NME7: variants seen among roughly 807,000 people sequenced by gnomAD.
NME7 encodes the protein nucleoside diphosphate kinase 7.
A neutral mutation model predicts 49.1 loss-of-function variants in NME7; 41 were observed. That is an observed-to-expected ratio of 0.83 (90% CI 0.65 to 1.08). NME7 has a LOEUF of 1.08. NME7 is among the 50% of genes least tolerant of loss of function. The pLI is 0.00. For synonymous variants in NME7, 139 were observed against 150.6 expected, an observed-to-expected ratio of 0.92 and a Z score of 0.56; for missense variants, 423 against 463.4, an observed-to-expected ratio of 0.91 and a Z score of 0.80.
chr1:169,277,049 G>A (rs574113151), intron 7 of NME7, among the ~76,000 whole-genome samples: 5 of 150,548 alleles, frequency 3.3e-5, no homozygotes, highest in African/African-American at 1.2e-4. Context: ...TGTGGTCTGA[G>A]AGACAGTTTG....
At chr1:169,163,654 T>C (rs1264801467) in intron 11 of NME7, among the ~76,000 whole-genome samples, 1 of 152,142 alleles carries the variant, frequency 6.6e-6, no homozygotes. Context: ...ATTTGGATGC[T>C]TGTAATGTGA....
chr1:169,259,943 C>G lies in NME7; in HGVS notation c.755-22256G>C, dbSNP rs1400027310. Among the ~76,000 whole-genome samples the G allele has an allele frequency of 1.5e-5, 2 of 133,046 alleles. 1 individual carries two copies. Among genetic ancestry groups the G allele is most frequent in the Non-Finnish European group, 3.5e-5 (2 of 56,536 alleles). 87.3% of individuals were successfully genotyped at this position (133,046 alleles called of 152,430 possible). On this transcript the variant is annotated intron_variant, in intron 7 of 11. Transcript: ENST00000367811. ...TTAAATTGAAATCCTTAATATTATC[C>G]TAGAAGACTACCCTCCCTTTGATAA... is the stretch of plus-strand genomic sequence containing the variant.
chr1:169,333,224 G>A (rs1469441977), intron 1 of NME7, among the ~76,000 whole-genome samples: 2 of 152,058 alleles, frequency 1.3e-5, no homozygotes, highest in East Asian at 1.9e-4. Context: ...AACATCACAT[G>A]TTCTCACTTA....
At position 169,266,044 on chromosome 1, in the gene NME7, G is replaced by C. The variant is rs764634007; in HGVS notation, c.754+21259C>G. 1.8e-4 allele frequency among the ~76,000 whole-genome samples: 24 copies of C among 132,062 alleles called. 7 individuals are homozygous for C. The highest frequency in any genetic ancestry group is 5.3e-5 in the Non-Finnish European group (3 of 56,238). The allele number at this position is 132,062 out of a possible 152,430, so 86.6% of individuals were successfully genotyped here. Reference sequence around the variant, plus strand: ...TATTCTACCAGATGTACAAAGAAGAGCTAGGATCATTCCTACAGAAGCTAT... The same window carrying C: ...TATTCTACCAGATGTACAAAGAAGACCTAGGATCATTCCTACAGAAGCTAT... On this transcript the variant is annotated intron_variant, in intron 7 of 11. Coordinates refer to ENST00000367811, the MANE Select transcript of NME7 (RefSeq NM_013330.5).
chr1:169,154,972 A>T (rs933946641), intron 11 of NME7, among the ~76,000 whole-genome samples: 8 of 151,930 alleles, frequency 5.3e-5, no homozygotes, highest in Non-Finnish European at 8.8e-5. Flanking sequence ...TGTATAATTT[A>T]AAAAAATTTT....
intron 9 of NME7, 79 bp downstream of exon 9, chr1:169,235,052 C>T: frequency 1.4e-6 from 1 of 701,076 alleles, no homozygotes; most frequent in East Asian, 3.0e-5. Context: ...GGACCTAGTA[C>T]AGGAGCTTAG....
At position 169,269,994 on chromosome 1, in the gene NME7, C is replaced by T. The variant is rs1649440558; in HGVS notation, c.754+17309G>A. 1.5e-5 allele frequency among the ~76,000 whole-genome samples: 2 copies of T among 133,204 alleles called. 1 individual carries two copies. The highest frequency in any genetic ancestry group is 3.5e-5 in the Non-Finnish European group (2 of 56,826). 87.4% of individuals were successfully genotyped at this position (133,204 alleles called of 152,430 possible). A position where few individuals can be genotyped will look rare whatever the true frequency, so the allele number is the denominator to read the frequency against. On this transcript the variant is annotated intron_variant, in intron 7 of 11. Coordinates refer to ENST00000367811, the MANE Select transcript of NME7 (RefSeq NM_013330.5). ...CTATGCCGGCCTGGCTGATTTCAAA[C>T]CCCTGGCCTCAAGCAATCCTCCTAC...
intron 7 of NME7, among the ~76,000 whole-genome samples, chr1:169,254,184 A>G (rs1242602689): frequency 6.7e-6 from 1 of 150,086 alleles, no homozygotes; most frequent in Non-Finnish European, 1.5e-5. Context: ...CTGTGAATCC[A>G]TCTGGTCCTG....
chr1:169,322,642 T>C (rs1651895950), intron 3 of NME7, among the ~76,000 whole-genome samples: 1 of 151,276 alleles, frequency 6.6e-6, no homozygotes, highest in Admixed American at 6.6e-5. Context: ...TTGTCATTTT[T>C]CAATTGATCC....
chr1:169,246,463 T>C (rs1012357947), intron 7 of NME7, among the ~76,000 whole-genome samples: 2 of 152,162 alleles, frequency 1.3e-5, no homozygotes, highest in African/African-American at 4.8e-5. Flanking sequence ...AAAAGACAGA[T>C]TTAATTCATC....
At chr1:169,160,829 G>A (rs1659220194) in intron 11 of NME7, among the ~76,000 whole-genome samples, 1 of 152,126 alleles carries the variant, frequency 6.6e-6, no homozygotes, top group East Asian at 1.9e-4. Flanking sequence ...CATTCCCACA[G>A]GCTACCTTTC....
chr1:169,297,576 T>C (rs1219497318), intron 6 of NME7, among the ~76,000 whole-genome samples: 2 of 152,002 alleles, frequency 1.3e-5, no homozygotes, highest in African/African-American at 4.8e-5. Flanking sequence ...TGGAACACAA[T>C]GATTAAGATA....
chr1:169,157,010 A>C (rs1659096080), intron 11 of NME7, among the ~76,000 whole-genome samples: 1 of 152,252 alleles, frequency 6.6e-6, no homozygotes, highest in African/African-American at 2.4e-5. Context: ...TTACTTGAAT[A>C]AACAGCAATG....
intron 7 of NME7, among the ~76,000 whole-genome samples, chr1:169,276,998 T>C (rs1421140170): frequency 1.3e-5 from 2 of 150,580 alleles, no homozygotes; most frequent in African/African-American, 2.4e-5. Flanking sequence ...TTGAGTGGTT[T>C]TGAGTGAGTT....
intron 1 of NME7, among the ~76,000 whole-genome samples, chr1:169,337,096 G>A (rs1279267011): frequency 6.6e-6 from 1 of 152,246 alleles, no homozygotes; most frequent in Non-Finnish European, 1.5e-5. Flanking sequence ...CCCTTGGGTG[G>A]TCGATGGGAC....
At chr1:169,273,838 C>T (rs1384781417) in intron 7 of NME7, among the ~76,000 whole-genome samples, 1 of 125,200 alleles carries the variant, frequency 8.0e-6, no homozygotes, top group African/African-American at 2.7e-5. Context: ...ATATGTGCCA[C>T]ATTTTCTTAA....
intron 9 of NME7, among the ~76,000 whole-genome samples, chr1:169,232,641 GTATTCTA>G (rs1280668890): frequency 6.6e-6 from 1 of 151,718 alleles, no homozygotes; most frequent in Non-Finnish European, 1.5e-5. Context: ...ATGTAAATCT[GTATTCTA>G]TACCCAGGTG....
chr1:169,237,718 A>G (rs1305603643), intron 7 of NME7, 31 bp from the exon 8 acceptor site: 1 of 1,567,386 alleles, frequency 6.4e-7, no homozygotes, highest in African/African-American at 1.4e-5. Flanking sequence ...GTGAAAAAAT[A>G]CAAAATTTTA....
chr1:169,169,072 G>GA (rs752274947), intron 11 of NME7: 87 of 464,964 alleles, frequency 1.9e-4, no homozygotes, highest in East Asian at 3.6e-4. Flanking sequence ...ATGCCAACCA[G>GA]AAAAAAATAT....
Sources: gnomAD v4.1 joint callset for allele counts (sites outside exome capture counted in the v4.1 genomes callset) on GRCh38, gnomAD v4.1.1 for gene constraint, MANE v1.5 for transcripts, NCBI Gene and HGNC (gene_info 2026-07-23, HGNC 2026-07-21) for gene names.